GPR33: variants seen among roughly 807,000 people sequenced by gnomAD.
The protein encoded by GPR33 is G protein-coupled receptor 33, also known as probable G protein-coupled receptor 33.
A neutral mutation model predicts 3.1 loss-of-function variants in GPR33; 4 were observed. That is an observed-to-expected ratio of 1.29 (90% CI 0.64 to 2.96). The LOEUF (loss-of-function observed/expected upper bound fraction) is 2.96. Ranked by LOEUF, GPR33 falls within the 30% of genes most tolerant of loss-of-function variation. The pLI is 0.01. For synonymous variants in GPR33, 138 were observed against 142.0 expected, an observed-to-expected ratio of 0.97 and a Z score of 0.20; for missense variants, 390 against 388.9, an observed-to-expected ratio of 1.00 and a Z score of -0.02.
At chr14:31,485,262 C>A (rs991700082) in intron 1 of GPR33, among the ~76,000 whole-genome samples, 3 of 151,742 alleles carry the variant, frequency 2.0e-5, no homozygotes, top group African/African-American at 7.3e-5. Context: ...ATAGTTCATT[C>A]TTGAGGAGGG....
At chr14:31,487,457 T>TTTC (rs2032432641) in intron 1 of GPR33, among the ~76,000 whole-genome samples, 1 of 146,094 alleles carries the variant, frequency 6.8e-6, no homozygotes, top group Non-Finnish European at 1.5e-5. Flanking sequence ...TTTTTTTTTT[T>TTTC]CAGATGGAGT....
chr14:31,484,822 T>C (rs1384186657), intron 1 of GPR33, among the ~76,000 whole-genome samples: 1 of 152,198 alleles, frequency 6.6e-6, no homozygotes, highest in East Asian at 1.9e-4. Flanking sequence ...AGTATTCTAA[T>C]ACTCAGCACA....
In GPR33 at chr14:31,483,262, C is replaced by T. The variant is rs1428444454; in HGVS notation, c.704G>A (p.Arg235Lys). The T allele has an allele frequency of 2.0e-6, 3 of 1,536,004 alleles. No individual in the cohort carries two copies. The highest frequency in any genetic ancestry group is 1.7e-6 in the Non-Finnish European group (2 of 1,146,928). ...GGGCTTGCTGGATTTAAACAGGCTC[C>T]TCTCTTTCACCTTGCTGGCTACTCT... ...YERVASKVKE[R>K]SLFKSSKPFK... is the part of the protein sequence containing the mutation. The change falls in exon 2 of 2, where the codon AGG becomes AAG. Residue 235 changes from arginine to lysine, a missense_variant. Coordinates refer to ENST00000399285, the MANE Select transcript of GPR33 (RefSeq NM_001197184.3).
In GPR33 at chr14:31,483,037, A is replaced by T; in HGVS notation, c.929T>A (p.Phe310Tyr). ...LFVGENFKKVFKKSILALFES... is the reference protein window; with the variant it reads ...LFVGENFKKVYKKSILALFES... ...AAACAGAGCAAGAATGGACTTCTTG[A>T]AGACCTTTTTGAAATTCTCCCCAAC... Residue 310 changes from phenylalanine to tyrosine, a missense_variant, in exon 2 of 2, where the codon TTC (phenylalanine) becomes TAC (tyrosine). Transcript: ENST00000399285. The T allele has an allele frequency of 6.5e-7, 1 of 1,535,862 alleles. No homozygotes were observed. Among genetic ancestry groups the T allele is most frequent in the Non-Finnish European group, 8.7e-7 (1 of 1,146,726 alleles).
chr14:31,488,032 A>C lies in GPR33; in HGVS notation c.-142T>G, dbSNP rs2032439293. ...ATTTCATATGTCTTTCTTCTTGCTG[A>C]TGCTACTCCCCAAGCTTGAACTTGC... On this transcript the variant is annotated 5_prime_UTR_variant, in exon 1 of 2. Coordinates refer to ENST00000399285, the MANE Select transcript of GPR33 (RefSeq NM_001197184.3). 1 of 152,304 alleles carries C rather than the reference A, an allele frequency of 6.6e-6. No homozygotes were observed. Among genetic ancestry groups the C allele is most frequent in the South Asian group, 2.1e-4 (1 of 4,824 alleles). 9.4% of individuals were successfully genotyped at this position (152,304 alleles called of 1,614,324 possible). A position where few individuals can be genotyped will look rare whatever the true frequency, so the allele number is the denominator to read the frequency against.
In GPR33 at chr14:31,483,013, A is replaced by G. The variant is rs2032376832; in HGVS notation, c.953T>C (p.Phe318Ser). ...KVFKKSILAL[F>S]ESTFSEDSSV... is the part of the protein sequence containing the mutation. ...AGAATCTTCACTAAATGTTGACTCA[A>G]ACAGAGCAAGAATGGACTTCTTGAA... The change falls in exon 2 of 2, where the codon TTT becomes TCT. Residue 318 changes from phenylalanine (F) to serine (S), a missense_variant. Physicochemically the swap from Phe to Ser is radical, Grantham distance 155. Transcript: ENST00000399285. 2.0e-6 allele frequency: 3 copies of G among 1,534,612 alleles called. No homozygotes were observed. The highest frequency in any genetic ancestry group is 4.9e-5 in the East Asian group (2 of 40,928).
At chr14:31,485,637 CA>C (rs34013315) in intron 1 of GPR33, among the ~76,000 whole-genome samples, 51,850 of 113,190 alleles carry the variant, frequency 0.46, 9,580 homozygotes, top group Non-Finnish European at 0.54. Flanking sequence ...GACTCTGTCT[CA>C]AAAAAAAAAA....
In GPR33 at chr14:31,483,274, T is replaced by C. The variant is rs1946285388; in HGVS notation, c.692A>G (p.Lys231Arg). ...TTTAAACAGGCTCCTCTCTTTCACC[T>C]TGCTGGCTACTCTTTCATAACAAAA... Reference protein sequence around the residue: ...IIFCYERVASKVKERSLFKSS... With the variant: ...IIFCYERVASRVKERSLFKSS... The change falls in exon 2 of 2, where the codon AAG (lysine) becomes AGG (arginine). Residue 231 changes from lysine to arginine, a missense_variant. By Grantham distance (26) the Lys-to-Arg change is conservative. Coordinates refer to ENST00000399285, the MANE Select transcript of GPR33 (RefSeq NM_001197184.3). 6.5e-7 allele frequency: 1 copy of C among 1,536,024 alleles called. No individual in the cohort carries two copies.
chr14:31,487,668 G>A (rs551811168), intron 1 of GPR33, among the ~76,000 whole-genome samples: 7 of 152,080 alleles, frequency 4.6e-5, no homozygotes, highest in African/African-American at 1.7e-4. Context: ...TTGAACTCCT[G>A]ACCTTGTGAT....
At chr14:31,486,441 C>T (rs1054389993) in intron 1 of GPR33, among the ~76,000 whole-genome samples, 8 of 152,146 alleles carry the variant, frequency 5.3e-5, no homozygotes, top group African/African-American at 1.9e-4. Flanking sequence ...GTTAATTCTG[C>T]CTTCTAAGGG....
rs115805121 is a variant in GPR33, at chr14:31,483,541, G to A, written c.425C>T (p.Pro142Leu). The change falls in exon 2 of 2, where the codon CCG (proline) becomes CTG (leucine). Residue 142 changes from proline (P) to leucine (L), a missense_variant. Coordinates refer to ENST00000399285, the MANE Select transcript of GPR33 (RefSeq NM_001197184.3). Reference sequence around the variant, plus strand: ...CAGGACAATGCTGGAAGCCCAGCGCGGGGTTCGGTGCTGCTGGGACCACAC... The same window carrying A: ...CAGGACAATGCTGGAAGCCCAGCGCAGGGTTCGGTGCTGCTGGGACCACAC... ...HPVWSQQHRT[P>L]RWASSIVLGV... 627 of 1,536,156 alleles carry A rather than the reference G, an allele frequency of 4.1e-4. 4 individuals carry two copies. The South Asian group carries it at 4.3e-3, about 11-fold the overall frequency.
Position 31,483,946 on chromosome 14 carries a change from G to A in GPR33, c.20C>T (p.Thr7Ile). MDLINS[T>I]DYLINASTLV... ...AGTAGAGGCATTGATCAGGTAATCA[G>A]TAGAGTTGATCAGATCCATAATGAC... Residue 7 changes from threonine to isoleucine, a missense_variant, in exon 2 of 2, where the codon ACT becomes ATT. Thr to Ile is a moderately conservative substitution (Grantham distance 89, BLOSUM62 -1). Coordinates refer to ENST00000399285, the MANE Select transcript of GPR33 (RefSeq NM_001197184.3). The A allele has an allele frequency of 6.5e-7, 1 of 1,534,944 alleles. No homozygotes were observed. Among genetic ancestry groups the A allele is most frequent in the Non-Finnish European group, 8.7e-7 (1 of 1,146,406 alleles).
chr14:31,483,883 G>T lies in GPR33; in HGVS notation c.83C>A (p.Ser28Ter), dbSNP rs1456305691. The change falls in exon 2 of 2, where the codon TCA (serine) becomes TAA (stop). Residue 28 changes from serine to a stop codon, truncating the protein, a stop_gained. Coordinates refer to ENST00000399285, the MANE Select transcript of GPR33 (RefSeq NM_001197184.3). LOFTEE classifies it low-confidence loss of function (END_TRUNC). ...RNSTQFLAPA[S>*]KMIIALSLYI... ...CAAAGAAAGGGCAATAATCATTTTTGATGCAGGAGCTAGAAACTGAGTGCT... is the reference window on the plus strand; with the variant it reads ...CAAAGAAAGGGCAATAATCATTTTTTATGCAGGAGCTAGAAACTGAGTGCT... 1.8e-5 allele frequency: 28 copies of T among 1,536,006 alleles called. No individual in the cohort carries two copies. The highest frequency in any genetic ancestry group is 9.8e-5 in the East Asian group (4 of 40,910).
intron 1 of GPR33, among the ~76,000 whole-genome samples, chr14:31,485,301 A>G (rs1183329138): frequency 1.3e-5 from 2 of 151,994 alleles, no homozygotes; most frequent in African/African-American, 4.8e-5. Context: ...CACCAAACTC[A>G]TATTTATCCA....
intron 1 of GPR33, among the ~76,000 whole-genome samples, chr14:31,487,670 C>T (rs2032435301): frequency 6.6e-6 from 1 of 151,958 alleles, no homozygotes; most frequent in Admixed American, 6.6e-5. Context: ...GAACTCCTGA[C>T]CTTGTGATCT....
In GPR33 at chr14:31,483,399, C is replaced by A. The variant is rs1439611266; in HGVS notation, c.567G>T (p.Trp189Cys). 1.3e-6 allele frequency: 2 copies of A among 1,536,154 alleles called. No individual in the cohort carries two copies. The highest frequency in any genetic ancestry group is 1.7e-6 in the Non-Finnish European group (2 of 1,146,906). The part of the protein sequence containing the change: ...CQNNYAVSTN[W>C]ESKEMQASRQ... ...TTGATGCTTGCATCTCCTTGCTTTC[C>A]CAGTTAGTAGACACAGCATAGTTAT... The change falls in exon 2 of 2, where the codon TGG becomes TGT. Residue 189 changes from tryptophan to cysteine, a missense_variant. Coordinates refer to ENST00000399285, the MANE Select transcript of GPR33 (RefSeq NM_001197184.3).
In GPR33 at chr14:31,483,779, T is replaced by G. The variant is rs749356934; in HGVS notation, c.187A>C (p.Asn63His). 3 of 1,535,960 alleles carry G rather than the reference T, an allele frequency of 2.0e-6. No individual in the cohort carries two copies. The African/African-American group carries it at 4.1e-5, about 21-fold the overall frequency. Reference protein sequence around the residue: ...VLRFKMKQTVNTLLFFHLILS... With the variant: ...VLRFKMKQTVHTLLFFHLILS... ...ATGAGATGAAAAAATAAGAGAGTAT[T>G]GACAGTCTGTTTCATCTTGAATCTT... Residue 63 changes from asparagine (N) to histidine (H), a missense_variant, in exon 2 of 2, where the codon AAT (asparagine) becomes CAT (histidine). Coordinates refer to ENST00000399285, the MANE Select transcript of GPR33 (RefSeq NM_001197184.3).
At chr14:31,485,816 A>C (rs551255446) in intron 1 of GPR33, among the ~76,000 whole-genome samples, 154 of 152,200 alleles carry the variant, frequency 1.0e-3, no homozygotes, top group South Asian at 3.9e-3. Context: ...TTTGAAACTC[A>C]GTAATTCATA....
intron 1 of GPR33, among the ~76,000 whole-genome samples, chr14:31,487,448 T>G (rs1012237112): frequency 1.0e-4 from 14 of 139,498 alleles, no homozygotes; most frequent in South Asian, 4.8e-4. Flanking sequence ...TTTTTTTTTT[T>G]TTTTTTTTTC....
Sources: allele counts gnomAD v4.1 joint callset (sites outside exome capture counted in the v4.1 genomes callset), GRCh38; gene constraint gnomAD v4.1.1; transcripts MANE v1.5; gene names NCBI Gene and HGNC (gene_info 2026-07-23, HGNC 2026-07-21).